Variants in TUSC3 observed in about 807,000 individuals in gnomAD.
The protein encoded by TUSC3 is tumor suppressor candidate 3, also known as dolichyl-diphosphooligosaccharide--protein glycosyltransferase subunit TUSC3.
Under a neutral mutation model 44.8 loss-of-function variants are expected in TUSC3, and 45 were observed. That is an observed-to-expected ratio of 1.00 (90% CI 0.79 to 1.29). The LOEUF is 1.29. TUSC3 is among the 50% of genes most tolerant of loss of function. TUSC3 has a pLI of 0.00. For synonymous variants in TUSC3, 212 were observed against 152.9 expected, an observed-to-expected ratio of 1.39 and a Z score of -2.85; for missense variants, 519 against 437.9, an observed-to-expected ratio of 1.19 and a Z score of -1.65.
At chr8:15,696,202 G>T (rs137970802) in intron 6 of TUSC3, among the ~76,000 whole-genome samples, 1 of 152,102 alleles carries the variant, frequency 6.6e-6, no homozygotes, top group Non-Finnish European at 1.5e-5. Context: ...CAGGGTCCTC[G>T]TGCTGTGTGC....
intron 1 of TUSC3, among the ~76,000 whole-genome samples, chr8:15,615,682 T>G (rs112656414): frequency 0.024 from 3,593 of 152,284 alleles, 135 homozygotes; most frequent in African/African-American, 0.082. Context: ...ATTACCCTGA[T>G]TTAAATCATT....
intron 1 of TUSC3, among the ~76,000 whole-genome samples, chr8:15,461,014 C>G (rs942326512): frequency 6.6e-6 from 1 of 152,082 alleles, no homozygotes; most frequent in East Asian, 1.9e-4. Flanking sequence ...TGTGCAGGAT[C>G]TTTTTAACTT....
At chr8:15,799,920 C>G in the TUSC3 span, among the ~76,000 whole-genome samples, 1 of 152,150 alleles carries the variant, frequency 6.6e-6, no homozygotes. Context: ...GTTTCCTGAG[C>G]TCCAAGTCCC....
At chr8:15,574,983 T>C (rs1585116259) in intron 1 of TUSC3, among the ~76,000 whole-genome samples, 1 of 152,258 alleles carries the variant, frequency 6.6e-6, no homozygotes, top group East Asian at 1.9e-4. Context: ...AGAGTTTAAC[T>C]TTGGGGTGGT....
intron 6 of TUSC3, among the ~76,000 whole-genome samples, chr8:15,675,916 T>C (rs989667019): frequency 1.3e-5 from 2 of 152,178 alleles, no homozygotes; most frequent in African/African-American, 4.8e-5. Flanking sequence ...TGTGTCTTTT[T>C]TGTAGAACAA....
At chr8:15,798,650 G>GTA in the TUSC3 span, among the ~76,000 whole-genome samples, 1 of 87,534 alleles carries the variant, frequency 1.1e-5, no homozygotes, top group Non-Finnish European at 2.2e-5. Flanking sequence ...CTGGGTGTGT[G>GTA]GGGGGGGTCC....
At chr8:15,729,588 T>A (rs142144094) in intron 6 of TUSC3, among the ~76,000 whole-genome samples, 41 of 152,230 alleles carry the variant, frequency 2.7e-4, no homozygotes, top group South Asian at 8.3e-4. Flanking sequence ...AAGAGGGCAT[T>A]ATCCTAAGCA....
chr8:15,754,754 T>A (rs576904882), intron 9 of TUSC3, among the ~76,000 whole-genome samples: 1 of 151,328 alleles, frequency 6.6e-6, no homozygotes, highest in Non-Finnish European at 1.5e-5. Flanking sequence ...CATAATTATC[T>A]TTATGTACAG....
At chr8:15,501,434 G>C (rs982141076) in intron 2 of TUSC3, among the ~76,000 whole-genome samples, 1 of 152,066 alleles carries the variant, frequency 6.6e-6, no homozygotes, top group Non-Finnish European at 1.5e-5. Context: ...TACAACAGGA[G>C]GTCTTAAGTT....
chr8:15,812,032 T>G, the TUSC3 span, among the ~76,000 whole-genome samples: 1 of 152,220 alleles, frequency 6.6e-6, no homozygotes, highest in African/African-American at 2.4e-5. Flanking sequence ...CCTTTTATTC[T>G]CCAAAGAAAT....
chr8:15,467,477 C>A (rs1800429066), intron 1 of TUSC3, among the ~76,000 whole-genome samples: 1 of 152,094 alleles, frequency 6.6e-6, no homozygotes, highest in Non-Finnish European at 1.5e-5. Flanking sequence ...TGGGCTAGGA[C>A]ACTTCTAATT....
chr8:15,558,739 G>C (rs1405766978), intron 1 of TUSC3, among the ~76,000 whole-genome samples: 2 of 120,904 alleles, frequency 1.7e-5, no homozygotes, highest in Admixed American at 9.0e-5. Flanking sequence ...TCTTGGGAGA[G>C]TGTATGTGTC....
At chr8:15,667,543 G>A (rs1019519334) in intron 5 of TUSC3, among the ~76,000 whole-genome samples, 1 of 151,578 alleles carries the variant, frequency 6.6e-6, no homozygotes, top group Non-Finnish European at 1.5e-5. Context: ...AATATACAAA[G>A]GATTGTATAA....
At chr8:15,740,457 G>GA (rs1040377926) in intron 7 of TUSC3, among the ~76,000 whole-genome samples, 72 of 148,838 alleles carry the variant, frequency 4.8e-4, no homozygotes, top group Middle Eastern at 3.4e-3. Context: ...TTCGTATCTG[G>GA]AAAAAAAAAT....
At chr8:15,828,324 G>C in the TUSC3 span, among the ~76,000 whole-genome samples, 1 of 152,144 alleles carries the variant, frequency 6.6e-6, no homozygotes, top group South Asian at 2.1e-4. Flanking sequence ...ACAGTTTGTA[G>C]ATTGGTTTTA....
intron 1 of TUSC3, among the ~76,000 whole-genome samples, chr8:15,547,438 T>C (rs1469517267): frequency 6.6e-6 from 1 of 151,660 alleles, no homozygotes; most frequent in Non-Finnish European, 1.5e-5. Context: ...TTGCTATTCA[T>C]ATTAAATACT....
the TUSC3 span, chr8:15,806,490 C>T: frequency 2.0e-6 from 2 of 1,005,128 alleles, no homozygotes; most frequent in Non-Finnish European, 1.6e-6. Context: ...TCGACTATTT[C>T]ATTGTAAACT....
rs752175662 is a variant in TUSC3 at position 15,659,567 on chromosome 8, G to C, written c.487G>C (p.Ala163Pro). Residue 163 changes from alanine (A) to proline (P), a missense_variant, in exon 4 of 11, where the codon GCT becomes CCT. Ala to Pro is a conservative substitution (Grantham distance 27). Coordinates refer to ENST00000503731, the MANE Select transcript of TUSC3 (RefSeq NM_006765.4). Reference sequence around the variant, plus strand: ...TCCTCCAAAAGGCAGACCTAAGAGAGCTGATACTTTTGACCTCCAAAGAAT... The same window carrying C: ...TCCTCCAAAAGGCAGACCTAAGAGACCTGATACTTTTGACCTCCAAAGAAT... The part of the protein sequence containing the change: ...HFPPKGRPKR[A>P]DTFDLQRIGF... The C allele has an allele frequency of 6.2e-7, 1 of 1,613,464 alleles. No homozygotes were observed. Among genetic ancestry groups the C allele is most frequent in the Non-Finnish European group, 8.5e-7 (1 of 1,179,714 alleles).
At position 15,417,219 on chromosome 8, in the gene TUSC3, A is replaced by T. The variant is rs1008160888; in HGVS notation, n.5A>T. On this transcript the variant is annotated non_coding_transcript_exon_variant, in exon 1 of 6. Transcript: ENST00000503191. Reference sequence around the variant, plus strand: ...TTCCTCCTGCTCTGGCTGTGTGAAGATCTGCCTCCTTCCTCTTCGGCTTCA... The same window carrying T: ...TTCCTCCTGCTCTGGCTGTGTGAAGTTCTGCCTCCTTCCTCTTCGGCTTCA... 3.9e-5 allele frequency: 6 copies of T among 152,480 alleles called. No homozygotes were observed. The East Asian group carries it at 9.7e-4, about 25-fold the overall frequency. 9.4% of individuals were successfully genotyped at this position (152,480 alleles called of 1,614,324 possible).
Sources: gnomAD v4.1 joint callset for allele counts (sites outside exome capture counted in the v4.1 genomes callset) on GRCh38, gnomAD v4.1.1 for gene constraint, MANE v1.5 for transcripts, NCBI Gene and HGNC (gene_info 2026-07-23, HGNC 2026-07-21) for gene names.